Variants in RETREG1 observed in about 807,000 individuals in gnomAD.
RETREG1 encodes the protein family with sequence similarity 134 member B.
In RETREG1, 44 loss-of-function variants were observed where a neutral mutation model predicts 54.8. The observed-to-expected ratio is 0.80, with a 90% CI of 0.63 to 1.03. The LOEUF (loss-of-function observed/expected upper bound fraction) is 1.03, where lower values mean the gene tolerates loss of function less well. Among genes scored for constraint, RETREG1 ranks in the 50% least tolerant of loss-of-function variants. The pLI is 0.00. For missense variants in RETREG1, 554 were observed against 605.1 expected (o/e 0.92, Z 0.89); for synonymous variants, 217 against 238.5 (o/e 0.91, Z 0.83).
chr5:16,562,609 CT>C (rs1741888193), intron 3 of RETREG1, among the ~76,000 whole-genome samples: 1 of 152,228 alleles, frequency 6.6e-6, no homozygotes. Flanking sequence ...ATGTCGATGG[CT>C]TGTACCCTTG....
In RETREG1 at chr5:16,531,030, C is replaced by T. The variant is rs73755935; in HGVS notation, c.458+34733G>A. On this transcript the variant is annotated intron_variant, in intron 3 of 8. Coordinates refer to ENST00000306320, the MANE Select transcript of RETREG1 (RefSeq NM_001034850.3). ...AGGAGGAAGGGAGGTAGACAGGAAA[C>T]ATTTCTTAGATCTCCTATTCATTCA... Among the ~76,000 whole-genome samples the T allele has an allele frequency of 4.2e-3, 638 of 152,256 alleles. 4 individuals are homozygous for T. The highest frequency in any genetic ancestry group is 0.015 in the African/African-American group (618 of 41,552).
At chr5:16,543,978 T>G (rs1468587380) in intron 3 of RETREG1, among the ~76,000 whole-genome samples, 4 of 147,910 alleles carry the variant, frequency 2.7e-5, no homozygotes, top group Non-Finnish European at 6.0e-5. Flanking sequence ...AAGTTTTTTT[T>G]TTTTTTTTTT....
chr5:16,596,829 A>G (rs759574163), intron 1 of RETREG1, among the ~76,000 whole-genome samples: 2 of 152,178 alleles, frequency 1.3e-5, no homozygotes, highest in Non-Finnish European at 2.9e-5. Context: ...TGGTCCAACT[A>G]GAGAATGGAC....
chr5:16,531,241 G>T (rs1740907009), intron 3 of RETREG1, among the ~76,000 whole-genome samples: 1 of 152,188 alleles, frequency 6.6e-6, no homozygotes. Context: ...AGGCAAAGTA[G>T]AAACCTTGCC....
chr5:16,589,755 C>T lies in RETREG1; in HGVS notation c.321-17653G>A, dbSNP rs569325653. ...TGCATGAGGAATTGCTGCAACTCCC[C>T]GCTACTCTGTGGCCAAGCCTGAGAC... On this transcript the variant is annotated intron_variant, in intron 1 of 8. Coordinates refer to ENST00000306320, the MANE Select transcript of RETREG1 (RefSeq NM_001034850.3). Among the ~76,000 whole-genome samples the T allele has an allele frequency of 1.1e-4, 16 of 152,284 alleles. No homozygotes were observed. In the South Asian group the frequency reaches 2.7e-3, roughly 26 times the overall value.
intron 3 of RETREG1, among the ~76,000 whole-genome samples, chr5:16,526,206 T>C (rs1740712628): frequency 6.6e-6 from 1 of 152,212 alleles, no homozygotes; most frequent in Non-Finnish European, 1.5e-5. Flanking sequence ...GGAGATTCTG[T>C]AGAGAAATAT....
In RETREG1 at chr5:16,616,650, A is replaced by C. The variant is rs2126387372; in HGVS notation, c.320+2T>G. ...GCGCCCCCACCTTGCCCAAGCTCTC[A>C]CCAGAACAGCAGGTTGGCAGCGACG... On this transcript the variant is annotated splice_donor_variant, in intron 1 of 8. Transcript: ENST00000306320. LOFTEE classifies it high-confidence loss of function. 2.5e-6 allele frequency: 4 copies of C among 1,592,166 alleles called. No individual in the cohort carries two copies. The highest frequency in any genetic ancestry group is 3.4e-6 in the Non-Finnish European group (4 of 1,175,404).
Position 16,476,762 on chromosome 5 carries a change from G to C in RETREG1, c.1000+900C>G, listed in dbSNP as rs141264196. Among the ~76,000 whole-genome samples, 894 of 152,000 alleles carry C rather than the reference G, an allele frequency of 5.9e-3. 12 individuals carry two copies. The highest frequency in any genetic ancestry group is 0.021 in the African/African-American group (868 of 41,438). On this transcript the variant is annotated intron_variant, in intron 8 of 8. Coordinates refer to ENST00000306320, the MANE Select transcript of RETREG1 (RefSeq NM_001034850.3). ...ACACTGGGGCCTGTCAATAGGGTTG[G>C]GGGTGGGAGGAGGGAGAGCATCAAG...
intron 3 of RETREG1, among the ~76,000 whole-genome samples, chr5:16,489,251 G>A (rs981177661): frequency 2.6e-5 from 4 of 152,132 alleles, no homozygotes; most frequent in African/African-American, 9.7e-5. Context: ...TTACTTTTAT[G>A]TGTATCTTTT....
intron 3 of RETREG1, among the ~76,000 whole-genome samples, chr5:16,551,745 A>C (rs994316671): frequency 6.6e-6 from 1 of 152,154 alleles, no homozygotes; most frequent in African/African-American, 2.4e-5. Flanking sequence ...TGCTGTAACA[A>C]ATTACAAATT....
At chr5:16,553,409 G>C (rs1184523924) in intron 3 of RETREG1, among the ~76,000 whole-genome samples, 1 of 151,572 alleles carries the variant, frequency 6.6e-6, no homozygotes, top group African/African-American at 2.4e-5. Context: ...CTTTATTTAG[G>C]GATACATATA....
At chr5:16,524,519 G>A (rs780053351) in intron 3 of RETREG1, among the ~76,000 whole-genome samples, 3 of 152,162 alleles carry the variant, frequency 2.0e-5, no homozygotes, top group Non-Finnish European at 2.9e-5. Flanking sequence ...CCATGGCAAC[G>A]TCATACACAC....
rs114886795 is a variant in RETREG1 at position 16,528,519 on chromosome 5, T to G, written c.458+37244A>C. Among the ~76,000 whole-genome samples, 1,041 of 152,130 alleles carry G rather than the reference T, an allele frequency of 6.8e-3. 7 individuals are homozygous for G. Among genetic ancestry groups the G allele is most frequent in the African/African-American group, 0.024 (995 of 41,500 alleles). Reference sequence around the variant, plus strand: ...CTGGATGACATGGAGGCCAGTCTCTTCAGGAGCAAAAGAAAGATTAGGGGG... The same window carrying G: ...CTGGATGACATGGAGGCCAGTCTCTGCAGGAGCAAAAGAAAGATTAGGGGG... On this transcript the variant is annotated intron_variant, in intron 3 of 8. Transcript: ENST00000306320.
intron 1 of RETREG1, among the ~76,000 whole-genome samples, chr5:16,573,733 T>TTG (rs1742247864): frequency 7.4e-6 from 1 of 135,356 alleles, no homozygotes. Flanking sequence ...TTGGGTTTGT[T>TTG]TGTTTTTTGT....
At chr5:16,614,133 G>A (rs256893) in intron 1 of RETREG1, among the ~76,000 whole-genome samples, 85,817 of 152,084 alleles carry the variant, frequency 0.56, 24,586 homozygotes, top group South Asian at 0.66. Context: ...TTTCCTCTCC[G>A]TCAGTATAAA....
At chr5:16,542,315 A>C (rs893394183) in intron 3 of RETREG1, among the ~76,000 whole-genome samples, 3 of 152,244 alleles carry the variant, frequency 2.0e-5, no homozygotes. Context: ...CTTCTGCCTG[A>C]AGGCTTCTCA....
intron 3 of RETREG1, among the ~76,000 whole-genome samples, chr5:16,541,793 GAAGGA>G (rs1561112901): frequency 1.4e-5 from 2 of 146,788 alleles, no homozygotes; most frequent in Non-Finnish European, 3.0e-5. Flanking sequence ...AGGAAGGAAG[GAAGGA>G]AAGGAAGGAA....
intron 3 of RETREG1, among the ~76,000 whole-genome samples, chr5:16,515,476 T>C (rs1200403224): frequency 1.3e-5 from 2 of 152,208 alleles, no homozygotes; most frequent in African/African-American, 4.8e-5. Context: ...CTTATACGTT[T>C]CACATTATAG....
chr5:16,557,196 G>T (rs1030897851), intron 3 of RETREG1, among the ~76,000 whole-genome samples: 1 of 152,174 alleles, frequency 6.6e-6, no homozygotes, highest in Admixed American at 6.5e-5. Context: ...TTCCTAGAAG[G>T]CTCTTCCCTT....
Sources: allele counts gnomAD v4.1 joint callset (sites outside exome capture counted in the v4.1 genomes callset), GRCh38; gene constraint gnomAD v4.1.1; transcripts MANE v1.5; gene names NCBI Gene and HGNC (gene_info 2026-07-23, HGNC 2026-07-21).